The following TANK variants were observed in gnomAD, a reference collection of about 807,000 sequenced individuals.
The protein encoded by TANK is TRAF family member-associated NF-kappa-B activator.
In TANK, 15 loss-of-function variants were observed where a neutral mutation model predicts 43.6. The ratio of observed to expected loss-of-function variants is 0.34; its 90% CI spans 0.23 to 0.53. The LOEUF (loss-of-function observed/expected upper bound fraction) is 0.53, where lower values mean the gene tolerates loss of function less well. TANK is among the 20% of genes least tolerant of loss of function. TANK has a pLI of 0.94. For synonymous variants in TANK, 162 were observed against 178.2 expected, an observed-to-expected ratio of 0.91 and a Z score of 0.73; for missense variants, 417 against 498.6, an observed-to-expected ratio of 0.84 and a Z score of 1.56.
intron 2 of TANK, among the ~76,000 whole-genome samples, chr2:161,185,086 G>T (rs1685597188): frequency 6.6e-6 from 1 of 152,074 alleles, no homozygotes. Context: ...CATAGGAAGA[G>T]AACTTGGAGA....
intron 2 of TANK, among the ~76,000 whole-genome samples, chr2:161,192,796 T>C (rs551097992): frequency 5.4e-4 from 82 of 152,336 alleles, no homozygotes; most frequent in African/African-American, 1.9e-3. Context: ...ATTGTTAGCT[T>C]TATTTTCAAA....
At chr2:161,193,337 G>T (rs1337561469) in intron 2 of TANK, among the ~76,000 whole-genome samples, 3 of 152,166 alleles carry the variant, frequency 2.0e-5, no homozygotes, top group Non-Finnish European at 4.4e-5. Context: ...GTATAGGGTG[G>T]TAGAGTTGGT....
At chr2:161,200,349 A>G (rs1686347595) in intron 2 of TANK, 2 of 984,986 alleles carry the variant, frequency 2.0e-6, no homozygotes, top group Non-Finnish European at 2.4e-6. Context: ...TGACCTTGTA[A>G]AAGGACTTTT....
intron 1 of TANK, chr2:161,161,475 G>A: frequency 3.9e-6 from 6 of 1,541,822 alleles, no homozygotes; most frequent in Non-Finnish European, 5.3e-6. Flanking sequence ...GAGAGAGGAG[G>A]GATCCTCAAA....
At chr2:161,164,129 G>T (rs747632448) in intron 1 of TANK, among the ~76,000 whole-genome samples, 1 of 152,184 alleles carries the variant, frequency 6.6e-6, no homozygotes, top group Non-Finnish European at 1.5e-5. Flanking sequence ...GTTGCCCTAT[G>T]ATGAAAGAAG....
intron 2 of TANK, chr2:161,201,095 G>A: frequency 4.1e-6 from 4 of 985,136 alleles, no homozygotes; most frequent in Non-Finnish European, 4.8e-6. Flanking sequence ...TGTGAAAAGT[G>A]TAGGAGGAAA....
intron 2 of TANK, among the ~76,000 whole-genome samples, chr2:161,195,088 G>A (rs1371087826): frequency 2.6e-5 from 4 of 152,166 alleles, no homozygotes; most frequent in Admixed American, 1.3e-4. Flanking sequence ...TTTACTTCCA[G>A]AAATATGTCG....
At chr2:161,199,266 C>T (rs1427098130) in intron 2 of TANK, among the ~76,000 whole-genome samples, 1 of 151,210 alleles carries the variant, frequency 6.6e-6, no homozygotes, top group African/African-American at 2.4e-5. Context: ...TTTCAATCCA[C>T]TCAACATTTA....
chr2:161,169,437 A>G (rs1684845235), intron 1 of TANK, among the ~76,000 whole-genome samples: 1 of 152,200 alleles, frequency 6.6e-6, no homozygotes, highest in Admixed American at 6.5e-5. Flanking sequence ...CTAATGAAAA[A>G]TTAGATATAA....
chr2:161,139,629 A>G, intron 1 of TANK: 1 of 916,930 alleles, frequency 1.1e-6, no homozygotes, highest in Non-Finnish European at 1.3e-6. Flanking sequence ...TTGGTAGTTC[A>G]AAATAAACCA....
At chr2:161,168,033 T>G (rs1161833159) in intron 1 of TANK, among the ~76,000 whole-genome samples, 4 of 152,162 alleles carry the variant, frequency 2.6e-5, no homozygotes, top group Admixed American at 6.5e-5. Context: ...GATTATACAT[T>G]GTTGAACTAT....
intron 2 of TANK, among the ~76,000 whole-genome samples, chr2:161,185,420 G>A (rs1377189738): frequency 1.3e-5 from 2 of 151,904 alleles, no homozygotes; most frequent in South Asian, 2.1e-4. Context: ...TATAAACCAC[G>A]TGGTTAAAAG....
chr2:161,169,832 CTTTTGAAGCTCAG>C (rs1027550552), intron 1 of TANK, among the ~76,000 whole-genome samples: 5 of 152,146 alleles, frequency 3.3e-5, no homozygotes, highest in Non-Finnish European at 7.4e-5. Flanking sequence ...CTTATTTACC[CTTTTGAAGCTCAG>C]TTTTGAAGTT....
intron 1 of TANK, among the ~76,000 whole-genome samples, chr2:161,151,930 CT>C (rs1684092176): frequency 6.6e-6 from 1 of 151,916 alleles, no homozygotes; most frequent in South Asian, 2.1e-4. Context: ...TTCTCATTTT[CT>C]TTTGTGATTT....
chr2:161,180,584 T>C (rs1685373802), intron 2 of TANK, among the ~76,000 whole-genome samples: 1 of 152,176 alleles, frequency 6.6e-6, no homozygotes, highest in African/African-American at 2.4e-5. Context: ...ACATATACTT[T>C]TGTGAAATGA....
intron 7 of TANK, among the ~76,000 whole-genome samples, chr2:161,231,944 C>T (rs1164569720): frequency 6.6e-6 from 1 of 152,134 alleles, no homozygotes. Flanking sequence ...TATAAGAATT[C>T]AAGATCTTTC....
rs1685179032 is a variant in TANK, at chr2:161,176,483, A to G, written c.-49-3131A>G. On this transcript the variant is annotated intron_variant, in intron 1 of 7. Transcript: ENST00000392749. ...GAATTTACTCAGTAGCTCCTCTCTC[A>G]GTGACATTTGTGTGATCTAATTCAA... is the stretch of plus-strand genomic sequence containing the variant. Among the ~76,000 whole-genome samples the G allele has an allele frequency of 1.3e-5, 2 of 152,162 alleles. 1 individual carries two copies. The highest frequency in any genetic ancestry group is 4.1e-4 in the South Asian group (2 of 4,836).
intron 4 of TANK, among the ~76,000 whole-genome samples, chr2:161,217,868 A>G (rs1004812336): frequency 2.6e-5 from 4 of 152,114 alleles, no homozygotes; most frequent in African/African-American, 9.7e-5. Flanking sequence ...CAAGGACTTT[A>G]TCAGCTGCTA....
upstream of TANK, chr2:161,160,119 GTTAT>G (rs1356228763): frequency 3.2e-6 from 1 of 308,416 alleles, no homozygotes; most frequent in Non-Finnish European, 5.9e-6. Flanking sequence ...TTATTTACTG[GTTAT>G]TTATTTACCG....
Sources: gnomAD v4.1 joint callset for allele counts (sites outside exome capture counted in the v4.1 genomes callset) on GRCh38, gnomAD v4.1.1 for gene constraint, MANE v1.5 for transcripts, NCBI Gene and HGNC (gene_info 2026-07-23, HGNC 2026-07-21) for gene names.